The following CNN3 variants were observed in gnomAD, a reference collection of about 807,000 sequenced individuals.
CNN3 encodes the protein calponin 3.
Under a neutral mutation model 39.0 loss-of-function variants are expected in CNN3, and 11 were observed. The observed-to-expected ratio is 0.28, with a 90% CI of 0.18 to 0.47. The LOEUF (loss-of-function observed/expected upper bound fraction) is 0.47, where lower values mean the gene tolerates loss of function less well. Among genes scored for constraint, CNN3 ranks in the 20% least tolerant of loss-of-function variants. CNN3 has a pLI of 0.99. For synonymous variants in CNN3, 101 were observed against 138.3 expected (o/e 0.73, Z 1.89); for missense variants, 266 against 403.4 (o/e 0.66, Z 2.92).
intron 4 of CNN3, 96 bp downstream of exon 4, chr1:94,902,025 C>T: frequency 9.1e-7 from 1 of 1,095,882 alleles, no homozygotes; most frequent in East Asian, 2.4e-5. Flanking sequence ...ACAGGCCCCG[C>T]CCCACCTGGT....
At chr1:94,915,832 A>C (rs17112757) in intron 1 of CNN3, among the ~76,000 whole-genome samples, 20,063 of 152,106 alleles carry the variant, frequency 0.13, 1,526 homozygotes, top group African/African-American at 0.21. Flanking sequence ...GCTCTAGCAT[A>C]ATAAGGTCAG....
At position 94,898,022 on chromosome 1, in the gene CNN3, G is replaced by C; in HGVS notation, c.710C>G (p.Pro237Arg). The change falls in exon 7 of 7, where the codon CCG becomes CGG. Residue 237 changes from proline (P) to arginine (R), a missense_variant. Pro to Arg is a moderately radical substitution (Grantham distance 103). Coordinates refer to ENST00000370206, the MANE Select transcript of CNN3 (RefSeq NM_001839.5). ...DIYDQKLTLQ[P>R]VDNSTISLQM... is the part of the protein sequence containing the mutation. ...TAGGGAAATTGTCGAGTTGTCCACC[G>C]GCTGTAATGTTAGCTTCTGATCATA... is the stretch of plus-strand genomic sequence containing the variant. 1 of 1,613,954 alleles carries C rather than the reference G, an allele frequency of 6.2e-7. No individual in the cohort carries two copies. Among genetic ancestry groups the C allele is most frequent in the Non-Finnish European group, 8.5e-7 (1 of 1,179,956 alleles).
At chr1:94,898,428 T>C (rs942877433) in intron 6 of CNN3, among the ~76,000 whole-genome samples, 1 of 152,234 alleles carries the variant, frequency 6.6e-6, no homozygotes, top group African/African-American at 2.4e-5. Context: ...ACATAAAGAA[T>C]GTGAAATCAT....
intron 1 of CNN3, among the ~76,000 whole-genome samples, chr1:94,916,168 A>C (rs953289454): frequency 6.6e-6 from 1 of 152,156 alleles, no homozygotes; most frequent in African/African-American, 2.4e-5. Flanking sequence ...TAACCCCTGG[A>C]AATTTGCTCT....
rs761716570 is a variant in CNN3, at chr1:94,897,802, G to A, written c.930C>T (p.Gly310=). ...CTCTGGGGTAGTCATCCTGGTACTC[G>A]CCATGATACTCATCAGGGTATTCTG... The part of the protein sequence containing the change: ...YQAEYPDEYH[G]EYQDDYPRDY... The change falls in exon 7 of 7, where the codon GGC becomes GGT. Residue 310 remains glycine, a synonymous_variant. Transcript: ENST00000370206. The A allele has an allele frequency of 1.1e-5, 17 of 1,614,074 alleles. No homozygotes were observed. The highest frequency in any genetic ancestry group is 1.7e-5 in the Admixed American group (1 of 60,004).
intron 1 of CNN3, chr1:94,924,477 G>A (rs1252788052): frequency 1.3e-5 from 2 of 152,334 alleles, no homozygotes; most frequent in Non-Finnish European, 2.9e-5. Flanking sequence ...ACAAACATTA[G>A]CCGGGCATGG....
intron 4 of CNN3, 118 bp from the exon 5 acceptor site, chr1:94,901,903 G>T: frequency 1.3e-6 from 1 of 754,300 alleles, no homozygotes; most frequent in Non-Finnish European, 2.2e-6. Flanking sequence ...AGTATTTAAG[G>T]CTGTTCAATA....
Position 94,927,090 on chromosome 1 carries a change from T to C in CNN3, c.-196A>G. Reference sequence around the variant, plus strand: ...AACTGGGTGCTACAGAGCCTCGAGCTCCGCTGCGAAGCACCCGGCTGCCTC... The same window carrying C: ...AACTGGGTGCTACAGAGCCTCGAGCCCCGCTGCGAAGCACCCGGCTGCCTC... On this transcript the variant is annotated 5_prime_UTR_variant, in exon 1 of 7. Coordinates refer to ENST00000370206, the MANE Select transcript of CNN3 (RefSeq NM_001839.5). 2 of 514,576 alleles carry C rather than the reference T, an allele frequency of 3.9e-6. No homozygotes were observed. The highest frequency in any genetic ancestry group is 6.7e-6 in the Non-Finnish European group (2 of 297,298). 31.9% of individuals were successfully genotyped at this position (514,576 alleles called of 1,614,324 possible).
intron 1 of CNN3, among the ~76,000 whole-genome samples, chr1:94,907,586 C>T (rs892711716): frequency 2.2e-4 from 34 of 152,314 alleles, no homozygotes; most frequent in South Asian, 1.7e-3. Context: ...CCTGACAGGG[C>T]GCAGTGGCTC....
chr1:94,899,851 G>A (rs544990869), intron 5 of CNN3, among the ~76,000 whole-genome samples: 24 of 152,252 alleles, frequency 1.6e-4, no homozygotes, highest in African/African-American at 2.2e-4. Context: ...TACCAGCTTC[G>A]GTTATTTCAA....
At chr1:94,903,074 C>A (rs1288243427) in intron 3 of CNN3, 48 bp downstream of exon 3, 1 of 1,374,772 alleles carries the variant, frequency 7.3e-7, no homozygotes, top group Non-Finnish European at 9.7e-7. Context: ...GTTTTCACTA[C>A]ATAAAATGCA....
rs989123671 is a variant in CNN3 at position 94,897,571 on chromosome 1, T to C, written c.*171A>G. ...CTATTACAGCACTAAAAGGCAACTATTGAGGGAAGAGGCAGAAAAAGGAAA... is the reference window on the plus strand; with the variant it reads ...CTATTACAGCACTAAAAGGCAACTACTGAGGGAAGAGGCAGAAAAAGGAAA... On this transcript the variant is annotated 3_prime_UTR_variant, in exon 7 of 7. Transcript: ENST00000370206. 2.7e-5 allele frequency: 16 copies of C among 602,658 alleles called. No individual in the cohort carries two copies. The highest frequency in any genetic ancestry group is 4.4e-5 in the Non-Finnish European group (15 of 344,424). 37.3% of individuals were successfully genotyped at this position (602,658 alleles called of 1,614,324 possible).
At chr1:94,908,155 T>C (rs912781354) in intron 1 of CNN3, among the ~76,000 whole-genome samples, 5 of 152,140 alleles carry the variant, frequency 3.3e-5, no homozygotes, top group African/African-American at 1.2e-4. Flanking sequence ...TGGAGACTCC[T>C]CCCCGAAACT....
intron 6 of CNN3, among the ~76,000 whole-genome samples, chr1:94,898,866 T>C (rs1670790573): frequency 6.6e-6 from 1 of 152,212 alleles, no homozygotes; most frequent in Non-Finnish European, 1.5e-5. Context: ...CAAATGGTTG[T>C]TGAACTTCCT....
chr1:94,897,731 T>C lies in CNN3; in HGVS notation c.*11A>G. The C allele has an allele frequency of 6.2e-7, 1 of 1,609,406 alleles. No homozygotes were observed. The highest frequency in any genetic ancestry group is 8.5e-7 in the Non-Finnish European group (1 of 1,176,406). ...ACAAAGGACTAAATACTGAGCTCCT[T>C]CTGTGTGGATCTAATAATCAATGCC... is the stretch of plus-strand genomic sequence containing the variant. On this transcript the variant is annotated 3_prime_UTR_variant, in exon 7 of 7. Coordinates refer to ENST00000370206, the MANE Select transcript of CNN3 (RefSeq NM_001839.5).
In CNN3 at chr1:94,897,931, T is replaced by C; in HGVS notation, c.801A>G (p.Val267=). The change falls in exon 7 of 7, where the codon GTA becomes GTG. Residue 267 remains valine (V), a synonymous_variant. Coordinates refer to ENST00000370206, the MANE Select transcript of CNN3 (RefSeq NM_001839.5). ...GMSVYGLGRQ[V]YDPKYCAAPT... ...GAGCAGCACAGTATTTGGGATCATATACTTGCCGCCCAAGCCCATACACAC... is the reference window on the plus strand; with the variant it reads ...GAGCAGCACAGTATTTGGGATCATACACTTGCCGCCCAAGCCCATACACAC... The C allele has an allele frequency of 6.2e-7, 1 of 1,614,102 alleles. No homozygotes were observed. The highest frequency in any genetic ancestry group is 1.3e-5 in the African/African-American group (1 of 75,018).
In CNN3 at chr1:94,926,875, C is replaced by T. The variant is rs1380342376; in HGVS notation, c.20G>A (p.Gly7Asp). Reference sequence around the variant, plus strand: ...TTCGGCCGAGAGCCCATAGGAAGGGCCCTTGTTGAAGTGGGTCATGGTGGT... The same window carrying T: ...TTCGGCCGAGAGCCCATAGGAAGGGTCCTTGTTGAAGTGGGTCATGGTGGT... MTHFNK[G>D]PSYGLSAEVK... Residue 7 changes from glycine (G) to aspartate (D), a missense_variant, in exon 1 of 7, where the codon GGC (glycine) becomes GAC (aspartate). Physicochemically the swap from Gly to Asp is moderately conservative, Grantham distance 94. Transcript: ENST00000370206. This position sits in a 1 kb window ranked among gnomAD's most constrained non-coding sequence, Gnocchi z 4.2. 1 of 1,610,960 alleles carries T rather than the reference C, an allele frequency of 6.2e-7. No homozygotes were observed. Among genetic ancestry groups the T allele is most frequent in the Non-Finnish European group, 8.5e-7 (1 of 1,178,522 alleles).
At chr1:94,921,952 G>A (rs1671458054) in intron 1 of CNN3, among the ~76,000 whole-genome samples, 1 of 152,184 alleles carries the variant, frequency 6.6e-6, no homozygotes, top group Non-Finnish European at 1.5e-5. Context: ...TTCTCCAGCA[G>A]TATTCAGGAA....
At chr1:94,904,275 T>C (rs1027076270) in intron 1 of CNN3, among the ~76,000 whole-genome samples, 1 of 152,170 alleles carries the variant, frequency 6.6e-6, no homozygotes, top group African/African-American at 2.4e-5. Context: ...CTATTATACA[T>C]GGTAAAACTA....
Sources: allele counts gnomAD v4.1 joint callset (sites outside exome capture counted in the v4.1 genomes callset), GRCh38; gene constraint gnomAD v4.1.1; non-coding constraint Gnocchi (gnomAD v3.1); transcripts MANE v1.5; gene names NCBI Gene and HGNC (gene_info 2026-07-23, HGNC 2026-07-21).